VAV2: variants seen among roughly 807,000 people sequenced by gnomAD.
VAV2 encodes vav guanine nucleotide exchange factor 2, also known as guanine nucleotide exchange factor VAV2.
VAV2 carries 67 observed loss-of-function variants against 132.5 expected under a neutral mutation model. The ratio of observed to expected loss-of-function variants is 0.51; its 90% CI spans 0.42 to 0.62. The LOEUF (loss-of-function observed/expected upper bound fraction) is 0.62, where lower values mean the gene tolerates loss of function less well. Among genes scored for constraint, VAV2 ranks in the 20% least tolerant of loss-of-function variants. VAV2 has a pLI of 0.00. For missense variants in VAV2, 938 were observed against 1,153.6 expected, an observed-to-expected ratio of 0.81 and a Z score of 2.71; for synonymous variants, 492 against 443.5, an observed-to-expected ratio of 1.11 and a Z score of -1.37.
intron 1 of VAV2, among the ~76,000 whole-genome samples, chr9:133,970,543 T>G (rs1564513761): frequency 6.6e-6 from 1 of 152,174 alleles, no homozygotes; most frequent in Non-Finnish European, 1.5e-5. Context: ...GCCCTGTGGT[T>G]GGTGTACCTG....
intron 2 of VAV2, among the ~76,000 whole-genome samples, chr9:133,866,935 C>T (rs751828465): frequency 5.3e-5 from 8 of 152,118 alleles, no homozygotes; most frequent in Admixed American, 2.6e-4. Context: ...AACTCCGGGC[C>T]GCACAAGTTC....
chr9:133,898,440 A>C (rs1026229101), intron 2 of VAV2, among the ~76,000 whole-genome samples: 1 of 145,788 alleles, frequency 6.9e-6, no homozygotes. Flanking sequence ...AAAAAAATAC[A>C]AAAATCAGCC....
intron 1 of VAV2, among the ~76,000 whole-genome samples, chr9:133,957,634 G>C (rs1443189860): frequency 6.6e-6 from 1 of 152,064 alleles, no homozygotes. Context: ...GCAGGAAATG[G>C]AGGAATGTTG....
intron 4 of VAV2, among the ~76,000 whole-genome samples, chr9:133,822,950 G>A (rs1835851621): frequency 1.3e-5 from 2 of 152,198 alleles, no homozygotes; most frequent in Non-Finnish European, 1.5e-5. Flanking sequence ...GCCTTAATTT[G>A]TGCAACTGCA....
Position 133,880,118 on chromosome 9 carries a change from C to G in VAV2, c.322-18686G>C, listed in dbSNP as rs571081948. On this transcript the variant is annotated intron_variant, in intron 2 of 29. Coordinates refer to ENST00000371850, the MANE Select transcript of VAV2 (RefSeq NM_001134398.2). ...CAGGCCAAGGAAGGACCCACCTGGA[C>G]CCACCTGCGCCGTCTGCAGGAAGAG... Among the ~76,000 whole-genome samples the G allele has an allele frequency of 5.3e-5, 8 of 152,178 alleles. No individual in the cohort carries two copies. The South Asian group carries it at 1.7e-3, about 32-fold the overall frequency.
chr9:133,788,500 C>T lies in VAV2; in HGVS notation c.1275-14G>A, dbSNP rs12336684. ...AGGAACAAGTACCTGGGCCAGGCAG[C>T]GCAGCGGGGGATCAGCACCCCAGCA... On this transcript the variant is annotated splice_polypyrimidine_tract_variant and intron_variant, in intron 14 of 29. Transcript: ENST00000371850. The surrounding 1 kb of genome is among the most constrained non-coding windows in gnomAD (Gnocchi z 5.3). 2,980 of 1,601,952 alleles carry T rather than the reference C, an allele frequency of 1.9e-3. 39 individuals carry two copies. In the African/African-American group the frequency reaches 0.031, roughly 17 times the overall value.
chr9:133,823,120 A>G lies in VAV2; in HGVS notation c.450-10904T>C, dbSNP rs1376538891. Among the ~76,000 whole-genome samples the G allele has an allele frequency of 1.3e-5, 2 of 152,180 alleles. No homozygotes were observed. The highest frequency in any genetic ancestry group is 2.9e-5 in the Non-Finnish European group (2 of 68,020). ...TATGGGAATCGTGAATGCTCTCGGG[A>G]CCTCATTATCCCCAGCCCTTCCTCC... On this transcript the variant is annotated intron_variant, in intron 4 of 29. Coordinates refer to ENST00000371850, the MANE Select transcript of VAV2 (RefSeq NM_001134398.2). This position sits in a 1 kb window ranked among gnomAD's most constrained non-coding sequence, Gnocchi z 5.5.
At chr9:133,931,816 A>G (rs564556231) in intron 2 of VAV2, among the ~76,000 whole-genome samples, 1 of 152,258 alleles carries the variant, frequency 6.6e-6, no homozygotes, top group South Asian at 2.1e-4. Context: ...ACGGATCCCA[A>G]TGACAATGCC....
rs370802700 is a variant in VAV2 at position 133,910,695 on chromosome 9, G to A, written c.321+28408C>T. On this transcript the variant is annotated intron_variant, in intron 2 of 29. Coordinates refer to ENST00000371850, the MANE Select transcript of VAV2 (RefSeq NM_001134398.2). Reference sequence around the variant, plus strand: ...AAAACTTAGCCGAGCGTGGTGGCGGGCGCCTGTAGTCCCAGCTACTCGGGA... The same window carrying A: ...AAAACTTAGCCGAGCGTGGTGGCGGACGCCTGTAGTCCCAGCTACTCGGGA... 5.9e-5 allele frequency among the ~76,000 whole-genome samples: 9 copies of A among 151,648 alleles called. No homozygotes were observed. The South Asian group carries it at 1.7e-3, about 28-fold the overall frequency.
At chr9:133,864,479 G>A (rs1837722469) in intron 2 of VAV2, among the ~76,000 whole-genome samples, 1 of 152,198 alleles carries the variant, frequency 6.6e-6, no homozygotes, top group Non-Finnish European at 1.5e-5. Context: ...ATCCTGGATG[G>A]CAGCCCTGGC....
At chr9:133,963,719 T>A (rs1842036925) in intron 1 of VAV2, among the ~76,000 whole-genome samples, 1 of 152,134 alleles carries the variant, frequency 6.6e-6, no homozygotes, top group Non-Finnish European at 1.5e-5. Context: ...ATTTTATGTA[T>A]CGCCAGGGGA....
chr9:133,991,986 CG>C lies in VAV2; in HGVS notation c.204+88del, dbSNP rs562168706. On this transcript the variant is annotated intron_variant, in intron 1 of 29. Coordinates refer to ENST00000371850, the MANE Select transcript of VAV2 (RefSeq NM_001134398.2). The surrounding 1 kb of genome is among the most constrained non-coding windows in gnomAD (Gnocchi z 4.8). ...GCCGCCCCAGCCAGGGCGCCTGGGC[CG>C]CCGCCGCTGCGACCTCCGCGTTCAG... 22,448 of 1,142,010 alleles carry C rather than the reference CG, an allele frequency of 0.02. 267 individuals are homozygous for C. Among genetic ancestry groups the C allele is most frequent in the Non-Finnish European group, 0.021 (19,023 of 911,980 alleles). 70.7% of individuals were successfully genotyped at this position (1,142,010 alleles called of 1,614,324 possible). A position where few individuals can be genotyped will look rare whatever the true frequency, so the allele number is the denominator to read the frequency against.
intron 25 of VAV2, among the ~76,000 whole-genome samples, chr9:133,773,573 A>G (rs1236934614): frequency 6.6e-6 from 1 of 152,148 alleles, no homozygotes; most frequent in Non-Finnish European, 1.5e-5. Context: ...CTTAGCTTAA[A>G]ACACAAACAT....
In VAV2 at chr9:133,961,524, C is replaced by A. The variant is rs1333008023; in HGVS notation, c.205-22305G>T. Among the ~76,000 whole-genome samples, 2 of 152,136 alleles carry A rather than the reference C, an allele frequency of 1.3e-5. No individual in the cohort carries two copies. The highest frequency in any genetic ancestry group is 4.8e-5 in the African/African-American group (2 of 41,434). ...GTCAGAGGCATGGAGGGAGCCCTTT[C>A]CCACCCCCCGCTCAACAGGAACACA... is the stretch of plus-strand genomic sequence containing the variant. On this transcript the variant is annotated intron_variant, in intron 1 of 29. Coordinates refer to ENST00000371850, the MANE Select transcript of VAV2 (RefSeq NM_001134398.2). This position sits in a 1 kb window ranked among gnomAD's most constrained non-coding sequence, Gnocchi z 4.1.
In VAV2 at chr9:133,785,883, C is replaced by T. The variant is rs1834197228; in HGVS notation, c.1425G>A (p.Trp475Ter). The change falls in exon 17 of 30, where the codon TGG becomes TGA. Residue 475 changes from tryptophan (W) to a stop codon, truncating the protein, a stop_gained and splice_region_variant. Transcript: ENST00000371850. LOFTEE classifies it high-confidence loss of function. ...GGTGAATTAGGTAGAAGCCGTAGGA[C>T]CACTGCAGGGGGGAGAGGGGCCATG... is the stretch of plus-strand genomic sequence containing the variant. ...KDVKKSHGKM[W>*]SYGFYLIHLQ... 1 of 1,612,922 alleles carries T rather than the reference C, an allele frequency of 6.2e-7. No homozygotes were observed. The highest frequency in any genetic ancestry group is 8.5e-7 in the Non-Finnish European group (1 of 1,179,516).
At chr9:133,939,730 A>T (rs758455116) in intron 1 of VAV2, among the ~76,000 whole-genome samples, 2 of 152,260 alleles carry the variant, frequency 1.3e-5, no homozygotes, top group Non-Finnish European at 2.9e-5. Flanking sequence ...AGGCGTGCGT[A>T]CATACACGAG....
Position 133,768,348 on chromosome 9 carries a change from G to A in VAV2, c.2589+94C>T, listed in dbSNP as rs1290078797. The A allele has an allele frequency of 1.1e-5, 17 of 1,505,978 alleles. No homozygotes were observed. The highest frequency in any genetic ancestry group is 1.9e-5 in the Admixed American group (1 of 52,276). The allele number at this position is 1,505,978 out of a possible 1,614,324, so 93.3% of individuals were successfully genotyped here. On this transcript the variant is annotated intron_variant, in intron 29 of 29. Coordinates refer to ENST00000371850, the MANE Select transcript of VAV2 (RefSeq NM_001134398.2). This position sits in a 1 kb window ranked among gnomAD's most constrained non-coding sequence, Gnocchi z 5.3. ...GAGGGTGTCTGGAACAGGGCCTGGG[G>A]TGTGGACATAGGTGTGGTGCTAGTC... is the stretch of plus-strand genomic sequence containing the variant.
Position 133,833,647 on chromosome 9 carries a change from G to A in VAV2, c.449+625C>T, listed in dbSNP as rs963640144. 1.3e-5 allele frequency among the ~76,000 whole-genome samples: 2 copies of A among 152,172 alleles called. No homozygotes were observed. The highest frequency in any genetic ancestry group is 1.9e-4 in the East Asian group (1 of 5,148). On this transcript the variant is annotated intron_variant, in intron 4 of 29. Coordinates refer to ENST00000371850, the MANE Select transcript of VAV2 (RefSeq NM_001134398.2). The surrounding 1 kb of genome is among the most constrained non-coding windows in gnomAD (Gnocchi z 5.6). ...CCTCCCTCCTCCTGGAGCGGGCCAC[G>A]TGATCCCACCCTGGTCACAGATTCC...
Position 133,783,510 on chromosome 9 carries a change from G to C in VAV2, c.1716C>G (p.Cys572Trp). 1 of 1,613,628 alleles carries C rather than the reference G, an allele frequency of 6.2e-7. No individual in the cohort carries two copies. Among genetic ancestry groups the C allele is most frequent in the Non-Finnish European group, 8.5e-7 (1 of 1,179,850 alleles). Reference protein sequence around the residue: ...HKECLEVIPPCKFTSPADLDA... With the variant: ...HKECLEVIPPWKFTSPADLDA... Reference sequence around the variant, plus strand: ...GGTGAGGGGGGTACTCACTGAACTTGCAGGGAGGTATCACTTCCAGGCACT... The same window carrying C: ...GGTGAGGGGGGTACTCACTGAACTTCCAGGGAGGTATCACTTCCAGGCACT... The change falls in exon 19 of 30, where the codon TGC (cysteine) becomes TGG (tryptophan). Residue 572 changes from cysteine to tryptophan, a missense_variant. Physicochemically the swap from Cys to Trp is radical, Grantham distance 215. Coordinates refer to ENST00000371850, the MANE Select transcript of VAV2 (RefSeq NM_001134398.2).
Sources: gnomAD v4.1 joint callset for allele counts (sites outside exome capture counted in the v4.1 genomes callset) on GRCh38, gnomAD v4.1.1 for gene constraint, Gnocchi (gnomAD v3.1) non-coding constraint, MANE v1.5 for transcripts, NCBI Gene and HGNC (gene_info 2026-07-23, HGNC 2026-07-21) for gene names.